The following UBE4B variants were observed in gnomAD, a reference collection of about 807,000 sequenced individuals.
The protein encoded by UBE4B is ubiquitin conjugation factor E4 B.
Under a neutral mutation model 148.1 loss-of-function variants are expected in UBE4B, and 27 were observed. The observed-to-expected ratio is 0.18, with a 90% CI of 0.13 to 0.25. The LOEUF (loss-of-function observed/expected upper bound fraction) is 0.25, where lower values mean the gene tolerates loss of function less well. UBE4B is among the 10% of genes least tolerant of loss of function. The pLI is 1.00. For missense variants in UBE4B, 1,170 were observed against 1,662.4 expected, an observed-to-expected ratio of 0.70 and a Z score of 5.15; for synonymous variants, 596 against 619.3, an observed-to-expected ratio of 0.96 and a Z score of 0.56.
rs1644331457 is a variant in UBE4B at position 10,063,737 on chromosome 1, G to A, written c.25-8291G>A. On this transcript the variant is annotated intron_variant, in intron 1 of 27. Transcript: ENST00000343090. Reference sequence around the variant, plus strand: ...AGCCTGGCCAACATGGTGAAACCCCGTCTCTACTAAAAATACAAAAATTAG... The same window carrying A: ...AGCCTGGCCAACATGGTGAAACCCCATCTCTACTAAAAATACAAAAATTAG... Among the ~76,000 whole-genome samples the A allele has an allele frequency of 2.0e-5, 3 of 151,828 alleles. No individual in the cohort carries two copies. In the South Asian group the frequency reaches 6.2e-4, roughly 32 times the overall value.
intron 2 of UBE4B, among the ~76,000 whole-genome samples, chr1:10,084,187 C>T (rs374923917): frequency 3.3e-5 from 5 of 152,192 alleles, no homozygotes; most frequent in Admixed American, 1.3e-4. Context: ...GTGCCCAAGC[C>T]TAGCAAAGGC....
Position 10,033,472 on chromosome 1 carries a change from C to A in UBE4B, c.-199C>A, listed in dbSNP as rs559446085. 1.5e-5 allele frequency: 7 copies of A among 453,602 alleles called. No individual in the cohort carries two copies. The highest frequency in any genetic ancestry group is 8.1e-5 in the African/African-American group (4 of 49,416). 28.1% of individuals were successfully genotyped at this position (453,602 alleles called of 1,614,324 possible). ...CAAGCGGCTGTAGTAGTCTGTGGGG[C>A]GACTGGAGTGACCGAAGCCAAGGCA... On this transcript the variant is annotated 5_prime_UTR_variant, in exon 1 of 28. Transcript: ENST00000343090.
chr1:10,148,759 G>A (rs549173800), intron 19 of UBE4B, among the ~76,000 whole-genome samples: 1 of 152,062 alleles, frequency 6.6e-6, no homozygotes, highest in South Asian at 2.1e-4. Context: ...GGCCAACATG[G>A]TGAAACCCTG....
At chr1:10,164,642 A>T (rs943720167) in intron 23 of UBE4B, among the ~76,000 whole-genome samples, 2 of 152,238 alleles carry the variant, frequency 1.3e-5, no homozygotes. Context: ...TAATGGATGA[A>T]AAAGGCCCAA....
intron 1 of UBE4B, among the ~76,000 whole-genome samples, chr1:10,054,099 A>G (rs974758438): frequency 2.0e-5 from 3 of 152,182 alleles, no homozygotes; most frequent in Non-Finnish European, 4.4e-5. Context: ...TTTTTGACAC[A>G]TAAACATTTA....
At position 10,144,986 on chromosome 1, in the gene UBE4B, C is replaced by T. The variant is rs775692397; in HGVS notation, c.2410C>T (p.Pro804Ser). 6.2e-7 allele frequency: 1 copy of T among 1,613,786 alleles called. No individual in the cohort carries two copies. The highest frequency in any genetic ancestry group is 8.5e-7 in the Non-Finnish European group (1 of 1,179,870). The change falls in exon 18 of 28, where the codon CCA becomes TCA. Residue 804 changes from proline (P) to serine (S), a missense_variant. Pro to Ser is a moderately conservative substitution (Grantham distance 74). This residue lies in a region of UBE4B where 388 missense variants were observed against 536.0 expected (regional missense o/e 0.72). Transcript: ENST00000343090. ...TAATGAAAGCCAATGGAAAGATTCC[C>T]CACTGGCAACTAGACACCGCGAAAT... ...KNNESQWKDS[P>S]LATRHREMLK...
intron 10 of UBE4B, among the ~76,000 whole-genome samples, chr1:10,123,757 C>T (rs553582782): frequency 9.9e-5 from 15 of 152,064 alleles, no homozygotes; most frequent in East Asian, 1.9e-4. Flanking sequence ...ATCAAACCAC[C>T]GTTGTTGTTT....
chr1:10,093,452 A>G (rs1445985301), intron 2 of UBE4B, among the ~76,000 whole-genome samples: 1 of 152,208 alleles, frequency 6.6e-6, no homozygotes, highest in Non-Finnish European at 1.5e-5. Context: ...TCCTAGGAAG[A>G]GAGAAAATTT....
chr1:10,072,140 C>T lies in UBE4B; in HGVS notation c.137C>T (p.Ala46Val), dbSNP rs375183552. The change falls in exon 2 of 28, where the codon GCC (alanine) becomes GTC (valine). Residue 46 changes from alanine (A) to valine (V), a missense_variant. Transcript: ENST00000343090. Reference sequence around the variant, plus strand: ...CCGGGGCCTCCCATAGCGGCATCAGCCCCAGGACCCTCTCAGAGTCTTGGT... The same window carrying T: ...CCGGGGCCTCCCATAGCGGCATCAGTCCCAGGACCCTCTCAGAGTCTTGGT... ...NPPGPPIAAS[A>V]PGPSQSLGLN... is the part of the protein sequence containing the mutation. The T allele has an allele frequency of 5.6e-6, 9 of 1,613,726 alleles. No homozygotes were observed. The highest frequency in any genetic ancestry group is 7.6e-6 in the Non-Finnish European group (9 of 1,179,924).
chr1:10,090,676 G>GC (rs1391378766), intron 2 of UBE4B, among the ~76,000 whole-genome samples: 11 of 151,970 alleles, frequency 7.2e-5, no homozygotes, highest in African/African-American at 2.7e-4. Flanking sequence ...TGCCTCGACC[G>GC]CCCAATCTGT....
intron 25 of UBE4B, among the ~76,000 whole-genome samples, chr1:10,178,084 C>A (rs1646453155): frequency 6.6e-6 from 1 of 152,010 alleles, no homozygotes; most frequent in Admixed American, 6.5e-5. Flanking sequence ...GGTCTAACGT[C>A]CATGGAGCCC....
intron 1 of UBE4B, among the ~76,000 whole-genome samples, chr1:10,041,671 G>A (rs901872691): frequency 6.6e-6 from 1 of 151,858 alleles, no homozygotes; most frequent in Non-Finnish European, 1.5e-5. Context: ...TCTGAGATAG[G>A]AAGTGGAAGC....
intron 1 of UBE4B, chr1:10,058,881 A>T (rs1186868504): frequency 6.6e-6 from 1 of 152,262 alleles, no homozygotes; most frequent in African/African-American, 2.4e-5. Flanking sequence ...CACCTCCTGG[A>T]GTGGCACTAT....
At chr1:10,071,977 TTG>T in intron 1 of UBE4B, 49 bp from the exon 2 acceptor site, 3 of 1,484,112 alleles carry the variant, frequency 2.0e-6, no homozygotes, top group Non-Finnish European at 1.8e-6. Flanking sequence ...TCTGGCAGAA[TTG>T]TGTTTCTGCT....
chr1:10,043,650 G>A (rs949900740), intron 1 of UBE4B, among the ~76,000 whole-genome samples: 129 of 151,354 alleles, frequency 8.5e-4, no homozygotes, highest in Non-Finnish European at 1.7e-3. Context: ...GGATGGTCTC[G>A]AGCTCCTGAC....
chr1:10,153,229 G>C (rs77353882), intron 21 of UBE4B, among the ~76,000 whole-genome samples: 2,655 of 152,056 alleles, frequency 0.017, 35 homozygotes, highest in Non-Finnish European at 0.027. Context: ...ATGTGGGCTG[G>C]GCACGGTGAC....
In UBE4B at chr1:10,168,192, T is replaced by A; in HGVS notation, c.3255T>A (p.Ser1085=). 6.2e-7 allele frequency: 1 copy of A among 1,614,196 alleles called. No homozygotes were observed. Reference sequence around the variant, plus strand: ...CTCAGGATGAGCGTGTGTCCCGCTCTTACCTCGCCCTGGCCACCGAAACCG... The same window carrying A: ...CTCAGGATGAGCGTGTGTCCCGCTCATACCTCGCCCTGGCCACCGAAACCG... ...QLAQDERVSR[S]YLALATETVD... Residue 1085 remains serine (S), a synonymous_variant, in exon 24 of 28, where the codon TCT becomes TCA. Transcript: ENST00000343090. This position sits in a 1 kb window ranked among gnomAD's most constrained non-coding sequence, Gnocchi z 4.9.
At position 10,093,798 on chromosome 1, in the gene UBE4B, G is replaced by A. The variant is rs574444290; in HGVS notation, c.212-1663G>A. Among the ~76,000 whole-genome samples, 127 of 151,654 alleles carry A rather than the reference G, an allele frequency of 8.4e-4. 1 individual carries two copies. Among genetic ancestry groups the A allele is most frequent in the African/African-American group, 2.8e-3 (115 of 41,308 alleles). ...CAACCTCCGCCTCCCAAGTTAATGC[G>A]ATTCTCCTGCCTGAACCTCCCAAGT... On this transcript the variant is annotated intron_variant, in intron 2 of 27. Coordinates refer to ENST00000343090, the MANE Select transcript of UBE4B (RefSeq NM_001105562.3).
intron 25 of UBE4B, 76 bp downstream of exon 25, chr1:10,171,405 C>A: frequency 6.6e-7 from 1 of 1,525,542 alleles, no homozygotes; most frequent in Non-Finnish European, 8.9e-7. Flanking sequence ...CCAGGGAACT[C>A]GTCTGGTGTA....
Sources: allele counts gnomAD v4.1 joint callset (sites outside exome capture counted in the v4.1 genomes callset), GRCh38; gene constraint gnomAD v4.1.1; regional missense constraint gnomAD v4.1.1; non-coding constraint Gnocchi (gnomAD v3.1); transcripts MANE v1.5; gene names NCBI Gene and HGNC (gene_info 2026-07-23, HGNC 2026-07-21).